The following KDM3A variants were observed in gnomAD, a reference collection of about 807,000 sequenced individuals.
The protein encoded by KDM3A is lysine-specific demethylase 3A.
In KDM3A, 60 loss-of-function variants were observed where a neutral mutation model predicts 158.0. The observed-to-expected ratio is 0.38, with a 90% confidence interval of 0.31 to 0.47. KDM3A has a LOEUF of 0.47. Ranked by LOEUF, KDM3A falls within the 20% of genes least tolerant of loss-of-function variation. KDM3A has a pLI of 0.99. For missense variants in KDM3A, 1,319 were observed against 1,574.3 expected (o/e 0.84, Z 2.74); for synonymous variants, 608 against 549.3 (o/e 1.11, Z -1.49).
intron 20 of KDM3A, 50 bp from the exon 21 acceptor site, chr2:86,485,679 G>T (rs1306612073): frequency 1.9e-6 from 3 of 1,602,332 alleles, no homozygotes; most frequent in Non-Finnish European, 2.6e-6. Context: ...ACACAATAAT[G>T]AATTAGAAAA....
At chr2:86,437,836 T>G (rs1049848282), upstream of KDM3A, among the ~76,000 whole-genome samples, 6 of 152,186 alleles carry the variant, frequency 3.9e-5, no homozygotes, top group Non-Finnish European at 7.4e-5. Flanking sequence ...TCTTTTGATT[T>G]TCGTTTGTTG....
At chr2:86,491,397 G>T in intron 25 of KDM3A, 122 bp downstream of exon 25, 1 of 957,450 alleles carries the variant, frequency 1.0e-6, no homozygotes, top group East Asian at 2.4e-5. Flanking sequence ...AGTGAGTCGA[G>T]GAACTTGCTT....
At chr2:86,464,717 G>A (rs1445186679) in intron 9 of KDM3A, among the ~76,000 whole-genome samples, 1 of 152,238 alleles carries the variant, frequency 6.6e-6, no homozygotes, top group African/African-American at 2.4e-5. Flanking sequence ...AAGAAAATGA[G>A]TACGAAATGT....
At chr2:86,441,031 C>A (rs766356149), upstream of KDM3A, 1 of 152,430 alleles carries the variant, frequency 6.6e-6, no homozygotes, top group African/African-American at 2.4e-5. Context: ...TTCCTCCGGG[C>A]CCCAAAGTTG....
At chr2:86,457,127 G>C in intron 8 of KDM3A, 56 bp downstream of exon 8, 1 of 647,548 alleles carries the variant, frequency 1.5e-6, no homozygotes, top group Non-Finnish European at 2.4e-6. Flanking sequence ...ACATTGCATG[G>C]CTAGTTTTTA....
chr2:86,484,138 A>AT lies in KDM3A; in HGVS notation c.3075dup (p.Gly1026TrpfsTer3). 6.2e-7 allele frequency: 1 copy of AT among 1,613,432 alleles called. No individual in the cohort carries two copies. Among genetic ancestry groups the AT allele is most frequent in the Non-Finnish European group, 8.5e-7 (1 of 1,179,664 alleles). ...GGAGCCACAGTAGGAGACTTCTGGG[A>AT]TGGATTTGAAGATGTTCCAAGTATG... On this transcript the variant is annotated frameshift_variant, in exon 19 of 26. Transcript: ENST00000312912. LOFTEE classifies it high-confidence loss of function.
At chr2:86,451,377 A>G (rs1672461632) in intron 4 of KDM3A, among the ~76,000 whole-genome samples, 164 bp downstream of exon 4, 1 of 152,166 alleles carries the variant, frequency 6.6e-6, no homozygotes, top group Admixed American at 6.5e-5. Flanking sequence ...AAACTCTACT[A>G]ATAGCTTACT....
Position 86,456,577 on chromosome 2 carries a change from C to G in KDM3A, c.681+11C>G, listed in dbSNP as rs758334478. 6.3e-7 allele frequency: 1 copy of G among 1,599,600 alleles called. No individual in the cohort carries two copies. Among genetic ancestry groups the G allele is most frequent in the Non-Finnish European group, 8.5e-7 (1 of 1,174,536 alleles). On this transcript the variant is annotated intron_variant, in intron 6 of 25. Coordinates refer to ENST00000312912, the MANE Select transcript of KDM3A (RefSeq NM_018433.6). The stretch of plus-strand genomic sequence containing the variant: ...GTCAACTGTGAGGAGGTAAAGACAA[C>G]AATAACTCTTTGTAAGATAACTCGA...
At chr2:86,442,568 G>C (rs1011926261) in intron 2 of KDM3A, 1 of 198,270 alleles carries the variant, frequency 5.0e-6, no homozygotes, top group Non-Finnish European at 1.0e-5. Context: ...GCCTGTAAGT[G>C]ACGTTTGGAG....
chr2:86,474,707 G>GTA, intron 11 of KDM3A, 69 bp from the exon 12 acceptor site: 2 of 633,782 alleles, frequency 3.2e-6, no homozygotes, highest in Non-Finnish European at 2.9e-6. Context: ...TAAGTTGTGT[G>GTA]TGTGTGTGTG....
At position 86,466,359 on chromosome 2, in the gene KDM3A, T is replaced by C. The variant is rs1673145272; in HGVS notation, c.1008-13T>C. ...GAGGCCTGGATGCTAGCTTTCTATA[T>C]TATATTTTTCAGATGTCATAAACAA... On this transcript the variant is annotated splice_polypyrimidine_tract_variant and intron_variant, in intron 9 of 25. Coordinates refer to ENST00000312912, the MANE Select transcript of KDM3A (RefSeq NM_018433.6). 6 of 1,594,990 alleles carry C rather than the reference T, an allele frequency of 3.8e-6. No homozygotes were observed. Among genetic ancestry groups the C allele is most frequent in the South Asian group, 1.1e-5 (1 of 88,408 alleles).
At chr2:86,474,734 T>TGC in intron 11 of KDM3A, 42 bp from the exon 12 acceptor site, 1 of 908,266 alleles carries the variant, frequency 1.1e-6, no homozygotes, top group East Asian at 2.4e-5. Context: ...TGTGTGTGTG[T>TGC]GTGTGTGTAC....
intron 21 of KDM3A, 104 bp downstream of exon 21, chr2:86,485,963 T>C (rs1472602726): frequency 2.6e-6 from 3 of 1,147,808 alleles, no homozygotes; most frequent in Non-Finnish European, 2.5e-6. Flanking sequence ...ATAATCCTAA[T>C]GCGTAATACA....
intron 2 of KDM3A, among the ~76,000 whole-genome samples, chr2:86,448,213 ATG>A (rs1683032157): frequency 6.6e-6 from 1 of 152,194 alleles, no homozygotes; most frequent in African/African-American, 2.4e-5. Context: ...GAGGTTAGGG[ATG>A]CATGTTTTGT....
rs746594318 is a variant in KDM3A at position 86,489,284 on chromosome 2, CT to C, written c.3314-30del. 7.5e-6 allele frequency: 12 copies of C among 1,603,000 alleles called. No individual in the cohort carries two copies. The East Asian group carries it at 2.2e-4, about 30-fold the overall frequency. ...GAAAGACTGTGGCAGCCTTTGTTGT[CT>C]TTTGTAAAACTTAAGGCACTTTGTT... On this transcript the variant is annotated intron_variant, in intron 21 of 25. Transcript: ENST00000312912.
intron 18 of KDM3A, chr2:86,482,938 T>C: frequency 2.1e-6 from 1 of 486,522 alleles, no homozygotes; most frequent in Non-Finnish European, 3.7e-6. Flanking sequence ...TGTTGGGTTT[T>C]TGACGAGGGC....
intron 8 of KDM3A, among the ~76,000 whole-genome samples, chr2:86,457,276 ATG>A (rs964835588): frequency 6.6e-6 from 1 of 152,144 alleles, no homozygotes; most frequent in Non-Finnish European, 1.5e-5. Flanking sequence ...GACTGCAGGC[ATG>A]TGTCATGCAT....
intron 11 of KDM3A, among the ~76,000 whole-genome samples, chr2:86,473,065 G>A (rs979484861): frequency 2.6e-5 from 4 of 152,144 alleles, no homozygotes; most frequent in Admixed American, 1.3e-4. Context: ...TGACTGTTAG[G>A]ATATCTGTTA....
rs531825121 is a variant in KDM3A, at chr2:86,447,368, T to C, written c.187-2439T>C. ...TCTGTCTTTTGGTTTAGGGTTATCT[T>C]AAGCTTTAGATAGTGATCTGGTAAG... is the stretch of plus-strand genomic sequence containing the variant. On this transcript the variant is annotated intron_variant, in intron 2 of 25. Transcript: ENST00000312912. Among the ~76,000 whole-genome samples, 29 of 151,988 alleles carry C rather than the reference T, an allele frequency of 1.9e-4. No individual in the cohort carries two copies. The East Asian group carries it at 5.2e-3, about 27-fold the overall frequency.
Sources: gnomAD v4.1 joint callset for allele counts (sites outside exome capture counted in the v4.1 genomes callset) on GRCh38, gnomAD v4.1.1 for gene constraint, MANE v1.5 for transcripts, NCBI Gene and HGNC (gene_info 2026-07-23, HGNC 2026-07-21) for gene names.